The following PPL variants were observed in gnomAD, a reference collection of about 807,000 sequenced individuals.
The protein encoded by PPL is 190 kDa paraneoplastic pemphigus antigen.
A neutral mutation model predicts 194.4 loss-of-function variants in PPL; 198 were observed. The observed-to-expected ratio is 1.02, with a 90% CI of 0.91 to 1.15. The LOEUF is 1.15. PPL is among the 50% of genes most tolerant of loss of function. The probability of loss-of-function intolerance (pLI) is 0.00; values close to 1 mark genes in which losing one functional copy is unlikely to be tolerated. For synonymous variants in PPL, 1,220 were observed against 972.4 expected (o/e 1.25, Z -4.74); for missense variants, 2,885 against 2,294.8 (o/e 1.26, Z -5.25).
rs2088184951 is a variant in PPL at position 4,884,901 on chromosome 16, T to C, written c.3754A>G (p.Arg1252Gly). Reference sequence around the variant, plus strand: ...CTGGTCTTGTCCACGATCTCCTCCCTGAGCCGCTGAAGCTCCTTCTCCATC... The same window carrying C: ...CTGGTCTTGTCCACGATCTCCTCCCCGAGCCGCTGAAGCTCCTTCTCCATC... ...PEMEKELQRL[R>G]EEIVDKTRLI... is the part of the protein sequence containing the mutation. Residue 1252 changes from arginine to glycine, a missense_variant, in exon 22 of 22, where the codon AGG becomes GGG. Arg to Gly is a moderately radical substitution (Grantham distance 125, BLOSUM62 -2). Transcript: ENST00000345988. This position sits in a 1 kb window ranked among gnomAD's most constrained non-coding sequence, Gnocchi z 5.7. The C allele has an allele frequency of 1.2e-6, 2 of 1,614,170 alleles. No individual in the cohort carries two copies. The highest frequency in any genetic ancestry group is 1.7e-6 in the Non-Finnish European group (2 of 1,180,032).
At chr16:4,916,302 C>T (rs928705324) in intron 1 of PPL, among the ~76,000 whole-genome samples, 4 of 150,116 alleles carry the variant, frequency 2.7e-5, no homozygotes, top group Non-Finnish European at 5.9e-5. Context: ...GCCTCCGCTT[C>T]CCAGACTCAA....
Position 4,902,343 on chromosome 16 carries a change from T to A in PPL, c.438+63A>T. On this transcript the variant is annotated intron_variant, in intron 4 of 21. Coordinates refer to ENST00000345988, the MANE Select transcript of PPL (RefSeq NM_002705.5). This position sits in a 1 kb window ranked among gnomAD's most constrained non-coding sequence, Gnocchi z 4.0. ...GCCCATTACATGGGTAGGCTCTCCC[T>A]GCACACGCACAGCCCCCTCCCCAGC... The A allele has an allele frequency of 6.3e-7, 1 of 1,598,122 alleles. No homozygotes were observed. The highest frequency in any genetic ancestry group is 1.1e-5 in the South Asian group (1 of 88,532).
intron 2 of PPL, among the ~76,000 whole-genome samples, chr16:4,907,990 C>T (rs2088730365): frequency 2.7e-5 from 4 of 150,218 alleles, no homozygotes; most frequent in Admixed American, 2.7e-4. Context: ...CCCATCTCTA[C>T]TGAAAATAAA....
chr16:4,927,528 C>A (rs561324650), intron 1 of PPL, among the ~76,000 whole-genome samples: 1 of 152,104 alleles, frequency 6.6e-6, no homozygotes, highest in Non-Finnish European at 1.5e-5. Flanking sequence ...AGCAAGATGC[C>A]GAAGAATCCT....
intron 2 of PPL, among the ~76,000 whole-genome samples, chr16:4,906,745 G>A (rs937765730): frequency 1.3e-5 from 2 of 152,230 alleles, no homozygotes; most frequent in African/African-American, 2.4e-5. Context: ...AGAACTGATC[G>A]ATGGTGAGAG....
At chr16:4,907,648 T>C (rs1051829479) in intron 2 of PPL, among the ~76,000 whole-genome samples, 5 of 152,068 alleles carry the variant, frequency 3.3e-5, no homozygotes, top group South Asian at 2.1e-4. Context: ...TTGTGTAACA[T>C]TGTGAATGTA....
intron 4 of PPL, among the ~76,000 whole-genome samples, chr16:4,901,654 A>G (rs4786556): frequency 0.67 from 100,982 of 150,368 alleles, 35,859 homozygotes; most frequent in East Asian, 0.89. Context: ...ATGCCACTGC[A>G]TTCCAGCCTG....
chr16:4,928,418 T>C (rs1306388175), intron 1 of PPL, among the ~76,000 whole-genome samples: 2 of 152,210 alleles, frequency 1.3e-5, no homozygotes, highest in African/African-American at 4.8e-5. Flanking sequence ...CAGGGTGTCC[T>C]GGCCGCCCCG....
chr16:4,929,846 C>T (rs531313906), intron 1 of PPL, among the ~76,000 whole-genome samples: 1 of 151,754 alleles, frequency 6.6e-6, no homozygotes, highest in South Asian at 2.1e-4. Context: ...CCACCATGCC[C>T]AGCTAATTTT....
intron 17 of PPL, 125 bp downstream of exon 17, chr16:4,890,603 G>A (rs1188852020): frequency 3.3e-6 from 4 of 1,200,570 alleles, no homozygotes; most frequent in South Asian, 1.6e-5. Flanking sequence ...GGCCGTCAGA[G>A]AATCTGACGA....
chr16:4,883,177 A>G lies in PPL; in HGVS notation c.*207T>C. 3.2e-6 allele frequency: 2 copies of G among 618,802 alleles called. No homozygotes were observed. The highest frequency in any genetic ancestry group is 2.8e-5 in the East Asian group (1 of 35,202). The allele number at this position is 618,802 out of a possible 1,614,324, so 38.3% of individuals were successfully genotyped here. On this transcript the variant is annotated 3_prime_UTR_variant, in exon 22 of 22. Transcript: ENST00000345988. The surrounding 1 kb of genome is among the most constrained non-coding windows in gnomAD (Gnocchi z 4.8). ...CATTGGAGGATGAAGTACGTCACTC[A>G]GGGTGAATGATGGTTGGGACGAGAG...
At chr16:4,892,518 C>T (rs2734738) in intron 14 of PPL, among the ~76,000 whole-genome samples, 142,795 of 152,228 alleles carry the variant, frequency 0.94, 67,602 homozygotes, top group East Asian at 1. Context: ...GCGGCAACCC[C>T]GGGAGGTGAG....
At chr16:4,894,751 G>A in intron 11 of PPL, 133 bp from the exon 12 acceptor site, 2 of 1,014,992 alleles carry the variant, frequency 2.0e-6, no homozygotes, top group South Asian at 1.6e-5. Context: ...CGTAGAGTGG[G>A]GAGGGGCATG....
At chr16:4,890,155 G>C in intron 18 of PPL, 29 bp downstream of exon 18, 2 of 1,613,820 alleles carry the variant, frequency 1.2e-6, no homozygotes, top group Non-Finnish European at 1.7e-6. Flanking sequence ...GCCAGTGTGT[G>C]CCTGGGGCTG....
At chr16:4,900,375 G>A (rs2088535970) in intron 6 of PPL, among the ~76,000 whole-genome samples, 1 of 148,158 alleles carries the variant, frequency 6.7e-6, no homozygotes, top group Non-Finnish European at 1.5e-5. Context: ...TCAGGAAAAG[G>A]CTGGGGCACC....
In PPL at chr16:4,883,723, G is replaced by T; in HGVS notation, c.4932C>A (p.Ala1644=). 1 of 1,613,952 alleles carries T rather than the reference G, an allele frequency of 6.2e-7. No homozygotes were observed. Residue 1644 remains alanine (A), a synonymous_variant, in exon 22 of 22, where the codon GCC becomes GCA. Transcript: ENST00000345988. The surrounding 1 kb of genome is among the most constrained non-coding windows in gnomAD (Gnocchi z 4.8). ...GGTTCTCCCGCTGCTCCCGCTTGACGGCCACGGAGCCCAGGCGCTTCTGCA... is the reference window on the plus strand; with the variant it reads ...GGTTCTCCCGCTGCTCCCGCTTGACTGCCACGGAGCCCAGGCGCTTCTGCA... ...DELQKRLGSV[A]VKREQRENHL...
intron 1 of PPL, among the ~76,000 whole-genome samples, chr16:4,922,431 G>A (rs935620195): frequency 6.6e-6 from 1 of 152,200 alleles, no homozygotes; most frequent in Non-Finnish European, 1.5e-5. Flanking sequence ...GGAGGCTGAG[G>A]TGGGCAGATC....
At chr16:4,904,085 C>A (rs372080317) in intron 2 of PPL, 45 bp from the exon 3 acceptor site, 1 of 1,580,624 alleles carries the variant, frequency 6.3e-7, no homozygotes, top group Admixed American at 1.8e-5. Flanking sequence ...GAGCCGAGAG[C>A]GGGCACGGTG....
chr16:4,909,574 G>C (rs981619496), intron 2 of PPL, among the ~76,000 whole-genome samples: 2 of 151,934 alleles, frequency 1.3e-5, no homozygotes, highest in African/African-American at 4.8e-5. Flanking sequence ...TTATAGGTGT[G>C]CACCACCACG....
Sources: allele counts gnomAD v4.1 joint callset (sites outside exome capture counted in the v4.1 genomes callset), GRCh38; gene constraint gnomAD v4.1.1; non-coding constraint Gnocchi (gnomAD v3.1); transcripts MANE v1.5; gene names NCBI Gene and HGNC (gene_info 2026-07-23, HGNC 2026-07-21).